The following CRY2 variants were observed in gnomAD, a reference collection of about 807,000 sequenced individuals.
The protein encoded by CRY2 is cryptochrome-2.
Under a neutral mutation model 69.5 loss-of-function variants are expected in CRY2, and 31 were observed. That is an observed-to-expected ratio of 0.45 (90% CI 0.34 to 0.60). CRY2 has a LOEUF of 0.60. Among genes scored for constraint, CRY2 ranks in the 20% least tolerant of loss-of-function variants. The pLI, the probability that CRY2 is intolerant of heterozygous loss-of-function variation, is 0.02. For synonymous variants in CRY2, 303 were observed against 312.2 expected, an observed-to-expected ratio of 0.97 and a Z score of 0.31; for missense variants, 606 against 797.8, an observed-to-expected ratio of 0.76 and a Z score of 2.90.
At chr11:45,860,811 C>T in intron 3 of CRY2, 37 bp from the exon 4 acceptor site, 1 of 1,602,388 alleles carries the variant, frequency 6.2e-7, no homozygotes, top group Non-Finnish European at 8.5e-7. Context: ...ATCACAGGGC[C>T]ATGTGGGTAA....
chr11:45,854,814 C>T (rs1028405804), intron 1 of CRY2, among the ~76,000 whole-genome samples: 4 of 152,230 alleles, frequency 2.6e-5, no homozygotes, highest in Non-Finnish European at 5.9e-5. Context: ...AATTAATTCA[C>T]CTCTGAGTGT....
intron 3 of CRY2, among the ~76,000 whole-genome samples, chr11:45,859,875 C>G (rs2086273211): frequency 6.6e-6 from 1 of 152,190 alleles, no homozygotes; most frequent in Admixed American, 6.5e-5. Context: ...CCAGGTCACA[C>G]AGCTGTGCAC....
Position 45,869,732 on chromosome 11 carries a change from G to C in CRY2, c.1109G>C (p.Gly370Ala). 6.2e-7 allele frequency: 1 copy of C among 1,614,088 alleles called. No individual in the cohort carries two copies. Among genetic ancestry groups the C allele is most frequent in the East Asian group, 2.2e-5 (1 of 44,884 alleles). ...ATCATGACCCAACTGAGGCAGGAGG[G>C]CTGGATCCACCACCTGGCCCGGCAT... The part of the protein sequence containing the change: ...DAIMTQLRQE[G>A]WIHHLARHAV... The change falls in exon 7 of 12, where the codon GGC becomes GCC. Residue 370 changes from glycine (G) to alanine (A), a missense_variant. Physicochemically the swap from Gly to Ala is moderately conservative, Grantham distance 60. Coordinates refer to ENST00000616080, the MANE Select transcript of CRY2 (RefSeq NM_021117.5).
intron 2 of CRY2, among the ~76,000 whole-genome samples, chr11:45,856,512 T>C (rs2086240197): frequency 6.6e-6 from 1 of 152,234 alleles, no homozygotes; most frequent in Non-Finnish European, 1.5e-5. Context: ...AGTCAGCCTT[T>C]TCTGCCGGGC....
At chr11:45,858,667 G>A (rs769521958) in intron 2 of CRY2, 64 bp from the exon 3 acceptor site, 2 of 1,538,788 alleles carry the variant, frequency 1.3e-6, no homozygotes, top group East Asian at 2.3e-5. Flanking sequence ...GGAAGGAACT[G>A]AGAGTCCAGC....
At chr11:45,854,003 A>G (rs2086218375) in intron 1 of CRY2, among the ~76,000 whole-genome samples, 1 of 152,228 alleles carries the variant, frequency 6.6e-6, no homozygotes, top group Non-Finnish European at 1.5e-5. Context: ...CCATGCTAGA[A>G]TGTGGGTCGG....
chr11:45,855,623 G>A (rs1409082879), intron 1 of CRY2, among the ~76,000 whole-genome samples: 1 of 152,218 alleles, frequency 6.6e-6, no homozygotes, highest in Admixed American at 6.5e-5. Context: ...ATCTCATGAT[G>A]TCTGTGTGCC....
chr11:45,857,585 G>T lies in CRY2; in HGVS notation c.325-1146G>T, dbSNP rs180946427. On this transcript the variant is annotated intron_variant, in intron 2 of 11. Coordinates refer to ENST00000616080, the MANE Select transcript of CRY2 (RefSeq NM_021117.5). The stretch of plus-strand genomic sequence containing the variant: ...TAATGATGATGAGTGAGACAACATG[G>T]TTTCTGCTCTGAGAGTTCACACTAA... Among the ~76,000 whole-genome samples the T allele has an allele frequency of 2.6e-5, 4 of 152,258 alleles. No individual in the cohort carries two copies. The East Asian group carries it at 7.7e-4, about 29-fold the overall frequency.
At chr11:45,872,854 GC>G (rs1283966017) in intron 11 of CRY2, among the ~76,000 whole-genome samples, 1 of 152,170 alleles carries the variant, frequency 6.6e-6, no homozygotes, top group African/African-American at 2.4e-5. Context: ...GCTGCTCCAG[GC>G]CCCCTGCTTT....
chr11:45,871,078 G>T, intron 10 of CRY2, 144 bp downstream of exon 10: 1 of 635,688 alleles, frequency 1.6e-6, no homozygotes, highest in Non-Finnish European at 2.7e-6. Flanking sequence ...AACCAAGTTG[G>T]ATCATTTCAG....
upstream of CRY2, chr11:45,847,187 A>C (rs1590758402): frequency 1.9e-6 from 3 of 1,549,054 alleles, no homozygotes; most frequent in Non-Finnish European, 2.6e-6. Flanking sequence ...GACTTGGCCT[A>C]CTCCCGGCAC....
At chr11:45,847,797 C>A in intron 1 of CRY2, 92 bp downstream of exon 1, 4 of 1,422,414 alleles carry the variant, frequency 2.8e-6, no homozygotes, top group Non-Finnish European at 3.7e-6. Flanking sequence ...AACCCCGCCA[C>A]GGCTGGAAGG....
chr11:45,867,746 T>C lies in CRY2; in HGVS notation c.876T>C (p.Tyr292=). 6.2e-7 allele frequency: 1 copy of C among 1,614,074 alleles called. No homozygotes were observed. Among genetic ancestry groups the C allele is most frequent in the South Asian group, 1.1e-5 (1 of 91,084 alleles). The part of the protein sequence containing the change: ...RLFYYRLWDL[Y]KKVKRNSTPP... ...TCTACTACCGCCTGTGGGACCTGTATAAAAAGGTAAGGGGGACATACCTGC... is the reference window on the plus strand; with the variant it reads ...TCTACTACCGCCTGTGGGACCTGTACAAAAAGGTAAGGGGGACATACCTGC... The change falls in exon 6 of 12, where the codon TAT becomes TAC. Residue 292 remains tyrosine, a synonymous_variant. Coordinates refer to ENST00000616080, the MANE Select transcript of CRY2 (RefSeq NM_021117.5).
At chr11:45,847,200 C>G, upstream of CRY2, 2 of 1,550,232 alleles carry the variant, frequency 1.3e-6, no homozygotes, top group Non-Finnish European at 1.7e-6. Context: ...CCCGGCACTC[C>G]GCGGACAGCC....
chr11:45,848,576 C>T (rs768198150), intron 1 of CRY2, among the ~76,000 whole-genome samples: 1 of 152,006 alleles, frequency 6.6e-6, no homozygotes, highest in Non-Finnish European at 1.5e-5. Context: ...GAGATGGAGT[C>T]GACATGATCA....
chr11:45,879,644 G>A (rs1000353182), intron 11 of CRY2, among the ~76,000 whole-genome samples: 9 of 152,226 alleles, frequency 5.9e-5, no homozygotes, highest in Admixed American at 2.6e-4. Flanking sequence ...TCCTGGGCAA[G>A]TTCCTTCTCC....
intron 4 of CRY2, chr11:45,861,704 A>G: frequency 4.0e-6 from 1 of 248,772 alleles, no homozygotes; most frequent in South Asian, 4.4e-5. Context: ...GGCCTCCCAA[A>G]GTGCTGGGAT....
At chr11:45,852,038 G>T (rs967942871) in intron 1 of CRY2, among the ~76,000 whole-genome samples, 3 of 152,202 alleles carry the variant, frequency 2.0e-5, no homozygotes, top group Non-Finnish European at 2.9e-5. Context: ...TATTCTAAAA[G>T]GCTAGCCTTG....
At chr11:45,856,143 C>A in intron 2 of CRY2, 53 bp downstream of exon 2, 1 of 1,354,880 alleles carries the variant, frequency 7.4e-7, no homozygotes, top group Non-Finnish European at 1.1e-6. Flanking sequence ...CTGACGGTTT[C>A]CCCACAGCCT....
Sources: gnomAD v4.1 joint callset for allele counts (sites outside exome capture counted in the v4.1 genomes callset) on GRCh38, gnomAD v4.1.1 for gene constraint, MANE v1.5 for transcripts, NCBI Gene and HGNC (gene_info 2026-07-23, HGNC 2026-07-21) for gene names.